Variants in IL1RAPL1 observed in about 807,000 individuals in gnomAD.
The protein encoded by IL1RAPL1 is interleukin 1 receptor accessory protein like 1.
Under a neutral mutation model 48.4 loss-of-function variants are expected in IL1RAPL1, and 3 were observed. The observed-to-expected ratio is 0.06, with a 90% CI of 0.03 to 0.16. The LOEUF is 0.16. IL1RAPL1 is among the 10% of genes least tolerant of loss of function. The pLI is 1.00. For synonymous variants in IL1RAPL1, 185 were observed against 187.7 expected (o/e 0.99, Z 0.12); for missense variants, 349 against 530.6 (o/e 0.66, Z 3.36).
chrX:29,901,885 A>G (rs1008698266), intron 6 of IL1RAPL1, among the ~76,000 whole-genome samples: 1 of 112,513 alleles, frequency 8.9e-6, no homozygotes, highest in African/African-American at 3.2e-5. Context: ...ATTGGAGGAT[A>G]AAAAGACCTC....
intron 6 of IL1RAPL1, among the ~76,000 whole-genome samples, chrX:29,884,287 G>A (rs1932092693): frequency 9.0e-6 from 1 of 111,160 alleles, no homozygotes; most frequent in African/African-American, 3.3e-5. Flanking sequence ...CGTATAATAT[G>A]TGATTTCCAG....
intron 3 of IL1RAPL1, among the ~76,000 whole-genome samples, chrX:29,283,994 C>T (rs1457860584): frequency 8.9e-6 from 1 of 112,722 alleles, no homozygotes; most frequent in African/African-American, 3.2e-5. Flanking sequence ...TCATGTATGT[C>T]ATTGGACTAT....
At chrX:28,662,809 A>G (rs1219068131) in intron 1 of IL1RAPL1, among the ~76,000 whole-genome samples, 2 of 111,600 alleles carry the variant, frequency 1.8e-5, no homozygotes, top group African/African-American at 6.5e-5. Context: ...ATCACCTATT[A>G]TACTCTTTTA....
At chrX:29,175,485 C>T (rs1478132953) in intron 2 of IL1RAPL1, among the ~76,000 whole-genome samples, 1 of 110,891 alleles carries the variant, frequency 9.0e-6, no homozygotes, top group Non-Finnish European at 1.9e-5. Context: ...TGGAGTTTTC[C>T]ATGCAGAAGA....
intron 2 of IL1RAPL1, among the ~76,000 whole-genome samples, chrX:29,239,469 A>C: frequency 8.9e-6 from 1 of 112,503 alleles, no homozygotes; most frequent in Middle Eastern, 4.6e-3. Context: ...GTTGTAAATT[A>C]CCAAAGGCTT....
At chrX:29,657,894 C>T (rs749862908) in intron 5 of IL1RAPL1, among the ~76,000 whole-genome samples, 1 of 104,974 alleles carries the variant, frequency 9.5e-6, no homozygotes, top group Non-Finnish European at 1.9e-5. Context: ...TGCTCACCTA[C>T]TTGATTATAG....
At chrX:29,176,542 G>A (rs1930028035) in intron 2 of IL1RAPL1, among the ~76,000 whole-genome samples, 1 of 110,829 alleles carries the variant, frequency 9.0e-6, no homozygotes, top group Non-Finnish European at 1.9e-5. Flanking sequence ...ACTATGGATG[G>A]TTACCTTTAG....
At chrX:29,801,065 A>AC (rs1301990069) in intron 6 of IL1RAPL1, among the ~76,000 whole-genome samples, 1 of 91,621 alleles carries the variant, frequency 1.1e-5, no homozygotes, top group African/African-American at 3.9e-5. Context: ...AAAAAAAAAA[A>AC]AAAAAAAAAA....
intron 1 of IL1RAPL1, among the ~76,000 whole-genome samples, chrX:28,632,906 T>A (rs1934415716): frequency 3.0e-5 from 3 of 101,608 alleles, no homozygotes; most frequent in Admixed American, 1.1e-4. Flanking sequence ...TTTTTTTTTT[T>A]TTGACGGAGT....
intron 2 of IL1RAPL1, among the ~76,000 whole-genome samples, chrX:29,014,769 G>A (rs1475007213): frequency 8.9e-6 from 1 of 111,821 alleles, no homozygotes; most frequent in African/African-American, 3.2e-5. Flanking sequence ...GTAATACTTT[G>A]TCATTATGTT....
At chrX:29,600,238 C>A (rs1923677703) in intron 5 of IL1RAPL1, among the ~76,000 whole-genome samples, 1 of 112,102 alleles carries the variant, frequency 8.9e-6, no homozygotes, top group African/African-American at 3.2e-5. Context: ...TGTTCTCCCC[C>A]TTCCCCTAGG....
At chrX:29,880,957 G>A (rs1477056984) in intron 6 of IL1RAPL1, among the ~76,000 whole-genome samples, 2 of 110,929 alleles carry the variant, frequency 1.8e-5, no homozygotes, top group East Asian at 5.6e-4. Context: ...AGAAATGTTC[G>A]CCAACCACAT....
intron 5 of IL1RAPL1, among the ~76,000 whole-genome samples, chrX:29,434,925 A>G (rs1934465045): frequency 9.0e-6 from 1 of 110,975 alleles, no homozygotes; most frequent in Non-Finnish European, 1.9e-5. Flanking sequence ...TAATTCTAGA[A>G]CATTTCCATT....
chrX:28,691,681 C>T (rs1217305017), intron 1 of IL1RAPL1, among the ~76,000 whole-genome samples: 1 of 111,408 alleles, frequency 9.0e-6, no homozygotes, highest in African/African-American at 3.3e-5. Flanking sequence ...TTCTTCTATC[C>T]TGTCTTTCTC....
chrX:29,091,258 G>A (rs1038472372), intron 2 of IL1RAPL1, among the ~76,000 whole-genome samples: 1 of 112,072 alleles, frequency 8.9e-6, no homozygotes, highest in African/African-American at 3.2e-5. Flanking sequence ...AGATGAGCTT[G>A]CCTTATCATC....
chrX:28,921,832 A>T (rs1923622989), intron 2 of IL1RAPL1, among the ~76,000 whole-genome samples: 1 of 112,236 alleles, frequency 8.9e-6, no homozygotes, highest in African/African-American at 3.2e-5. Context: ...TTTCTGATGA[A>T]CCGGTAGGCA....
At chrX:28,997,370 C>G (rs1261008880) in intron 2 of IL1RAPL1, among the ~76,000 whole-genome samples, 2 of 111,339 alleles carry the variant, frequency 1.8e-5, no homozygotes, top group Admixed American at 9.6e-5. Context: ...TAAGATAACT[C>G]TATGTTGGTG....
At chrX:28,990,425 G>A (rs1467910410) in intron 2 of IL1RAPL1, among the ~76,000 whole-genome samples, 1 of 112,093 alleles carries the variant, frequency 8.9e-6, no homozygotes, top group Non-Finnish European at 1.9e-5. Context: ...TGCCTGAAAT[G>A]TGAATTAATC....
At chrX:29,509,978 G>A (rs182890700) in intron 5 of IL1RAPL1, among the ~76,000 whole-genome samples, 1 of 111,987 alleles carries the variant, frequency 8.9e-6, no homozygotes, top group African/African-American at 3.2e-5. Context: ...ATTACTGTCA[G>A]TTTAAACTGA....
Sources: gnomAD v4.1 joint callset for allele counts (sites outside exome capture counted in the v4.1 genomes callset) on GRCh38, gnomAD v4.1.1 for gene constraint, MANE v1.5 for transcripts, NCBI Gene and HGNC (gene_info 2026-07-23, HGNC 2026-07-21) for gene names.